DPH6: variants seen among roughly 807,000 people sequenced by gnomAD.
The protein encoded by DPH6 is diphthine--ammonia ligase.
Under a neutral mutation model 38.2 loss-of-function variants are expected in DPH6, and 33 were observed. The observed-to-expected ratio is 0.86, with a 90% CI of 0.65 to 1.15. The LOEUF (loss-of-function observed/expected upper bound fraction) is 1.15, where lower values mean the gene tolerates loss of function less well. Among genes scored for constraint, DPH6 ranks in the 50% most tolerant of loss-of-function variants. The pLI, the probability that DPH6 is intolerant of heterozygous loss-of-function variation, is 0.00. For missense variants in DPH6, 325 were observed against 320.0 expected (o/e 1.02, Z -0.12); for synonymous variants, 108 against 103.0 (o/e 1.05, Z -0.30).
intron 3 of DPH6, among the ~76,000 whole-genome samples, chr15:35,527,797 TA>T (rs1263970581): frequency 6.6e-6 from 1 of 152,060 alleles, no homozygotes; most frequent in Non-Finnish European, 1.5e-5. Flanking sequence ...AGACAAAAAA[TA>T]AACTGAAGTC....
rs762329260 is a variant in DPH6 at position 35,410,865 on chromosome 15, G to C, written c.537C>G (p.Thr179=). The C allele has an allele frequency of 6.2e-7, 1 of 1,602,692 alleles. No individual in the cohort carries two copies. Among genetic ancestry groups the C allele is most frequent in the South Asian group, 1.1e-5 (1 of 89,852 alleles). Residue 179 remains threonine (T), a synonymous_variant, in exon 6 of 9, where the codon ACC becomes ACG. Coordinates refer to ENST00000256538, the MANE Select transcript of DPH6 (RefSeq NM_080650.4). Reference sequence around the variant, plus strand: ...TGAGATAAGGCTCCATTTGATCCAGGGTTTTCCCAAGATGCTTATCAGGAT... The same window carrying C: ...TGAGATAAGGCTCCATTTGATCCAGCGTTTTCCCAAGATGCTTATCAGGAT... The part of the protein sequence containing the change: ...GLDPDKHLGK[T]LDQMEPYLIE...
rs865930175 is a variant in DPH6, at chr15:35,496,575, T to A, written c.312+41699A>T. ...CATCTCAAAAAAAAAAAAATATATATATATATATATATATATCCTCTACCA... is the reference window on the plus strand; with the variant it reads ...CATCTCAAAAAAAAAAAAATATATAAATATATATATATATATCCTCTACCA... On this transcript the variant is annotated intron_variant, in intron 3 of 8. Coordinates refer to ENST00000256538, the MANE Select transcript of DPH6 (RefSeq NM_080650.4). 6.0e-3 allele frequency among the ~76,000 whole-genome samples: 545 copies of A among 91,578 alleles called. 20 individuals are homozygous for A. Among genetic ancestry groups the A allele is most frequent in the African/African-American group, 0.035 (491 of 14,170 alleles). 60.1% of individuals were successfully genotyped at this position (91,578 alleles called of 152,430 possible). A position where few individuals can be genotyped will look rare whatever the true frequency, so the allele number is the denominator to read the frequency against.
intron 3 of DPH6, among the ~76,000 whole-genome samples, chr15:35,311,531 G>A (rs930510774): frequency 7.9e-5 from 12 of 152,078 alleles, no homozygotes; most frequent in African/African-American, 2.4e-4. Flanking sequence ...CCCTCCTTAT[G>A]ACTATTAATC....
the DPH6 span, among the ~76,000 whole-genome samples, chr15:35,206,754 A>G: frequency 6.6e-6 from 1 of 152,224 alleles, no homozygotes; most frequent in African/African-American, 2.4e-5. Context: ...TTTGCCAATT[A>G]CTTTAGAAAC....
At chr15:35,320,449 G>A (rs2052230175) in intron 3 of DPH6, among the ~76,000 whole-genome samples, 1 of 152,114 alleles carries the variant, frequency 6.6e-6, no homozygotes, top group Non-Finnish European at 1.5e-5. Flanking sequence ...GCAATCAAAG[G>A]CTCCTTTGGG....
At chr15:35,392,720 G>T (rs2140961684) in intron 6 of DPH6, among the ~76,000 whole-genome samples, 1 of 152,320 alleles carries the variant, frequency 6.6e-6, no homozygotes, top group South Asian at 2.1e-4. Flanking sequence ...TGCATGAAAT[G>T]CTGTGACAGT....
intron 3 of DPH6, among the ~76,000 whole-genome samples, chr15:35,257,934 G>A (rs757856099): frequency 3.6e-4 from 55 of 152,110 alleles, no homozygotes; most frequent in Non-Finnish European, 5.9e-4. Context: ...TAAAGGGAAC[G>A]TTATCAAGCG....
chr15:35,170,801 C>G, the DPH6 span, among the ~76,000 whole-genome samples: 3 of 152,146 alleles, frequency 2.0e-5, no homozygotes, highest in Non-Finnish European at 4.4e-5. Context: ...TCATCCTACA[C>G]TCTCATTGAC....
intron 3 of DPH6, among the ~76,000 whole-genome samples, chr15:35,345,714 G>A (rs1389650534): frequency 6.6e-6 from 1 of 151,774 alleles, no homozygotes; most frequent in Non-Finnish European, 1.5e-5. Context: ...GCATGATCAG[G>A]TTTTATTATT....
chr15:35,224,244 T>A (rs1448438800), intron 3 of DPH6, among the ~76,000 whole-genome samples: 2 of 151,232 alleles, frequency 1.3e-5, no homozygotes, highest in African/African-American at 4.9e-5. Flanking sequence ...GTAGCTAGGA[T>A]CACAGGCACC....
chr15:35,222,701 G>A (rs940418462), intron 3 of DPH6, among the ~76,000 whole-genome samples: 2 of 152,098 alleles, frequency 1.3e-5, no homozygotes, highest in East Asian at 3.9e-4. Context: ...TAAACAATAG[G>A]GAAGAGGAAG....
intron 5 of DPH6, among the ~76,000 whole-genome samples, chr15:35,432,557 A>G (rs898892772): frequency 6.6e-6 from 1 of 152,198 alleles, no homozygotes; most frequent in African/African-American, 2.4e-5. Context: ...TTCATAGAAA[A>G]CAGAATTATC....
intron 3 of DPH6, chr15:35,237,335 G>A: frequency 6.3e-7 from 1 of 1,591,772 alleles, no homozygotes; most frequent in Admixed American, 1.7e-5. Context: ...GATGAAGATG[G>A]GCAGACGGAT....
At chr15:35,225,239 CCTT>C (rs981388713) in intron 3 of DPH6, among the ~76,000 whole-genome samples, 2 of 152,192 alleles carry the variant, frequency 1.3e-5, no homozygotes, top group African/African-American at 4.8e-5. Flanking sequence ...GGTGAAATGT[CCTT>C]CTCATCACAT....
At chr15:35,208,111 T>C in the DPH6 span, among the ~76,000 whole-genome samples, 1 of 152,232 alleles carries the variant, frequency 6.6e-6, no homozygotes, top group African/African-American at 2.4e-5. Flanking sequence ...TAAATATGTT[T>C]ACTCTATAGT....
At chr15:35,168,596 C>T in the DPH6 span, among the ~76,000 whole-genome samples, 6 of 152,112 alleles carry the variant, frequency 3.9e-5, no homozygotes, top group East Asian at 9.6e-4. Flanking sequence ...CATTCTGCAC[C>T]GAATGCCATT....
At chr15:35,406,796 A>G (rs1161781903) in intron 6 of DPH6, among the ~76,000 whole-genome samples, 1 of 152,040 alleles carries the variant, frequency 6.6e-6, no homozygotes, top group East Asian at 1.9e-4. Context: ...GCTTGGGGAC[A>G]TTTAATAGAT....
intron 3 of DPH6, among the ~76,000 whole-genome samples, chr15:35,499,113 C>T (rs1387594671): frequency 6.6e-6 from 1 of 151,996 alleles, no homozygotes; most frequent in Non-Finnish European, 1.5e-5. Flanking sequence ...TTGAGAAAGC[C>T]AGTCTATACT....
At chr15:35,510,437 T>C (rs895127632) in intron 3 of DPH6, among the ~76,000 whole-genome samples, 2 of 152,218 alleles carry the variant, frequency 1.3e-5, no homozygotes, top group Non-Finnish European at 2.9e-5. Flanking sequence ...ATAAAAGACA[T>C]CTTATTTAAA....
Sources: gnomAD v4.1 joint callset for allele counts (sites outside exome capture counted in the v4.1 genomes callset) on GRCh38, gnomAD v4.1.1 for gene constraint, MANE v1.5 for transcripts, NCBI Gene and HGNC (gene_info 2026-07-23, HGNC 2026-07-21) for gene names.